PNPLA3: variants seen among roughly 807,000 people sequenced by gnomAD.
PNPLA3 encodes the protein 1-acylglycerol-3-phosphate O-acyltransferase PNPLA3.
A neutral mutation model predicts 43.1 loss-of-function variants in PNPLA3; 42 were observed. The observed-to-expected ratio is 0.97, with a 90% CI of 0.76 to 1.26. The LOEUF is 1.26. PNPLA3 is among the 50% of genes most tolerant of loss of function. The probability of loss-of-function intolerance (pLI) is 0.00; values close to 1 mark genes in which losing one functional copy is unlikely to be tolerated. For synonymous variants in PNPLA3, 272 were observed against 253.6 expected, an observed-to-expected ratio of 1.07 and a Z score of -0.69; for missense variants, 647 against 621.4, an observed-to-expected ratio of 1.04 and a Z score of -0.44.
rs750432091 is a variant in PNPLA3 at position 43,944,716 on chromosome 22, C to G, written c.1138C>G (p.Pro380Ala). The G allele has an allele frequency of 3.1e-6, 5 of 1,614,174 alleles. No homozygotes were observed. The Admixed American group carries it at 8.3e-5, about 27-fold the overall frequency. ...ACTGGTGACATGGCTTCCAGATATGCCCGACGATGTCCTGTGGTTGCAGTG... is the reference window on the plus strand; with the variant it reads ...ACTGGTGACATGGCTTCCAGATATGGCCGACGATGTCCTGTGGTTGCAGTG... ...QRLVTWLPDM[P>A]DDVLWLQWVT... The change falls in exon 8 of 9, where the codon CCC (proline) becomes GCC (alanine). Residue 380 changes from proline (P) to alanine (A), a missense_variant. By Grantham distance (27) the Pro-to-Ala change is conservative. Transcript: ENST00000216180.
At chr22:43,935,557 C>A (rs2049989909) in intron 5 of PNPLA3, among the ~76,000 whole-genome samples, 1 of 151,950 alleles carries the variant, frequency 6.6e-6, no homozygotes, top group South Asian at 2.1e-4. Context: ...GACGTGAATC[C>A]ACATTAAGAC....
At chr22:43,934,316 TA>T (rs3083286) in intron 4 of PNPLA3, among the ~76,000 whole-genome samples, 35,834 of 117,564 alleles carry the variant, frequency 0.3, 5,764 homozygotes, top group Middle Eastern at 0.45. Flanking sequence ...GACTCTGCCT[TA>T]AAAAAAAAAA....
At chr22:43,934,726 G>T (rs1243542178) in intron 5 of PNPLA3, 60 bp downstream of exon 5, 15 of 1,505,026 alleles carry the variant, frequency 1.0e-5, no homozygotes, top group Non-Finnish European at 1.3e-5. Flanking sequence ...TAGCGGTCTT[G>T]GTAAAGACTT....
chr22:43,937,869 G>A (rs916317118), intron 6 of PNPLA3, among the ~76,000 whole-genome samples: 3 of 152,118 alleles, frequency 2.0e-5, no homozygotes, highest in East Asian at 3.9e-4. Flanking sequence ...AAATGATTGT[G>A]TACCCCCCAG....
At position 43,937,013 on chromosome 22, in the gene PNPLA3, C is replaced by T. The variant is rs142649367; in HGVS notation, c.758-38C>T. 2.6e-6 allele frequency: 4 copies of T among 1,545,458 alleles called. No individual in the cohort carries two copies. In the African/African-American group the frequency reaches 4.1e-5, roughly 16 times the overall value. ...GGGTGGGTAACGACCACCACTCCCA[C>T]GTTCGCCTGATGGGCTTGTTTTCCG... is the stretch of plus-strand genomic sequence containing the variant. On this transcript the variant is annotated intron_variant, in intron 5 of 8. Transcript: ENST00000216180.
chr22:43,943,248 T>G (rs1162524778), intron 7 of PNPLA3, among the ~76,000 whole-genome samples: 2 of 152,170 alleles, frequency 1.3e-5, no homozygotes, highest in Admixed American at 1.3e-4. Context: ...TTTTTCTGTT[T>G]CTTCATCTTT....
rs1555886178 is a variant in PNPLA3 at position 43,942,703 on chromosome 22, T to TTTC, written c.1113-1986_1113-1985insCTT. ...CCTTCCCTTCCATTTTCTTTTTTCTTTTTTTTTTTTTTTTTTTGAGACAGG... is the reference window on the plus strand; with the variant it reads ...CCTTCCCTTCCATTTTCTTTTTTCTTTTCTTTTTTTTTTTTTTTTTGAGACAGG... On this transcript the variant is annotated intron_variant, in intron 7 of 8. Coordinates refer to ENST00000216180, the MANE Select transcript of PNPLA3 (RefSeq NM_025225.3). 9.3e-5 allele frequency among the ~76,000 whole-genome samples: 12 copies of TTTC among 129,086 alleles called. No individual in the cohort carries two copies. In the East Asian group the frequency reaches 1.2e-3, roughly 13 times the overall value. The allele number at this position is 129,086 out of a possible 152,430, so 84.7% of individuals were successfully genotyped here.
intron 2 of PNPLA3, 42 bp downstream of exon 2, chr22:43,927,209 C>T: frequency 1.3e-6 from 2 of 1,582,152 alleles, no homozygotes; most frequent in Non-Finnish European, 1.7e-6. Flanking sequence ...GTTAGAAAAG[C>T]TGTTTTGGGA....
At chr22:43,944,821 G>A in intron 8 of PNPLA3, 26 bp downstream of exon 8, 1 of 1,574,736 alleles carries the variant, frequency 6.4e-7, no homozygotes, top group Admixed American at 1.7e-5. Flanking sequence ...GTGGGTGTGT[G>A]GGCCGGACGG....
At chr22:43,940,722 T>G (rs927208703) in intron 7 of PNPLA3, among the ~76,000 whole-genome samples, 1 of 151,974 alleles carries the variant, frequency 6.6e-6, no homozygotes, top group Non-Finnish European at 1.5e-5. Flanking sequence ...GGCAGAAGAA[T>G]CGCTTGAGCC....
At position 43,936,619 on chromosome 22, in the gene PNPLA3, C is replaced by A. The variant is rs1299233423; in HGVS notation, c.758-432C>A. ...TCCTGGCTCTGCTATGTATTGGCTG[C>A]GTGGCTTTAGACAAGTCTTTTAACC... On this transcript the variant is annotated intron_variant, in intron 5 of 8. Transcript: ENST00000216180. 2.0e-5 allele frequency among the ~76,000 whole-genome samples: 3 copies of A among 152,306 alleles called. No individual in the cohort carries two copies. The East Asian group carries it at 5.8e-4, about 29-fold the overall frequency.
At chr22:43,936,888 C>G (rs141260325) in intron 5 of PNPLA3, among the ~76,000 whole-genome samples, 163 bp from the exon 6 acceptor site, 1 of 152,216 alleles carries the variant, frequency 6.6e-6, no homozygotes, top group African/African-American at 2.4e-5. Flanking sequence ...CCCCTTTCTC[C>G]GGGTGACAAA....
rs576288950 is a variant in PNPLA3, at chr22:43,930,995, C to T, written c.487-1883C>T. On this transcript the variant is annotated intron_variant, in intron 3 of 8. Transcript: ENST00000216180. ...GAAAAAAATTAGCTGGGCGTGGTGG[C>T]GGGCGCCTGTAGTCCCAGCTACTCG... Among the ~76,000 whole-genome samples, 1,183 of 152,168 alleles carry T rather than the reference C, an allele frequency of 7.8e-3. 5 individuals carry two copies. The highest frequency in any genetic ancestry group is 0.013 in the Non-Finnish European group (865 of 68,020).
chr22:43,946,109 A>T (rs1387251830), intron 8 of PNPLA3, 45 bp from the exon 9 acceptor site: 2 of 1,574,506 alleles, frequency 1.3e-6, no homozygotes, highest in African/African-American at 1.3e-5. Flanking sequence ...TGCACACTGC[A>T]GCAGCGGGAA....
chr22:43,925,906 C>T (rs1425268097), intron 1 of PNPLA3, among the ~76,000 whole-genome samples: 1 of 152,212 alleles, frequency 6.6e-6, no homozygotes, highest in Non-Finnish European at 1.5e-5. Context: ...GAAAGGATTC[C>T]TTACTGGGCA....
Position 43,944,710 on chromosome 22 carries a change from G to C in PNPLA3, c.1132G>C (p.Asp378His), listed in dbSNP as rs778533542. 2.5e-6 allele frequency: 4 copies of C among 1,614,174 alleles called. No homozygotes were observed. Among genetic ancestry groups the C allele is most frequent in the Middle Eastern group, 1.6e-4 (1 of 6,062 alleles). ...IVQRLVTWLP[D>H]MPDDVLWLQW... ...CTGCAGACTGGTGACATGGCTTCCAGATATGCCCGACGATGTCCTGTGGTT... is the reference window on the plus strand; with the variant it reads ...CTGCAGACTGGTGACATGGCTTCCACATATGCCCGACGATGTCCTGTGGTT... The change falls in exon 8 of 9, where the codon GAT becomes CAT. Residue 378 changes from aspartate to histidine, a missense_variant. Physicochemically the swap from Asp to His is moderately conservative, Grantham distance 81. Transcript: ENST00000216180.
chr22:43,926,019 C>T (rs1476579479), intron 1 of PNPLA3, among the ~76,000 whole-genome samples: 1 of 152,226 alleles, frequency 6.6e-6, no homozygotes, highest in African/African-American at 2.4e-5. Flanking sequence ...AGGAGCCACT[C>T]CCTGGGTTCC....
intron 6 of PNPLA3, among the ~76,000 whole-genome samples, chr22:43,937,719 T>TG (rs1195791559): frequency 6.6e-6 from 1 of 152,156 alleles, no homozygotes; most frequent in Non-Finnish European, 1.5e-5. Flanking sequence ...TCCCTCCACC[T>TG]GTCCACCCAC....
intron 4 of PNPLA3, among the ~76,000 whole-genome samples, chr22:43,934,258 C>T (rs1036771132): frequency 1.3e-5 from 2 of 149,654 alleles, no homozygotes; most frequent in African/African-American, 2.5e-5. Flanking sequence ...TGGAGGTGGC[C>T]GTTAGCCGAG....
Sources: gnomAD v4.1 joint callset for allele counts (sites outside exome capture counted in the v4.1 genomes callset) on GRCh38, gnomAD v4.1.1 for gene constraint, MANE v1.5 for transcripts, NCBI Gene and HGNC (gene_info 2026-07-23, HGNC 2026-07-21) for gene names.